Variants in MACROD2 observed in about 807,000 individuals in gnomAD.
MACROD2 encodes the protein ADP-ribose glycohydrolase MACROD2.
Under a neutral mutation model 70.4 loss-of-function variants are expected in MACROD2, and 36 were observed. The observed-to-expected ratio is 0.51, with a 90% CI of 0.39 to 0.68. The LOEUF is 0.68. MACROD2 is among the 30% of genes least tolerant of loss of function. The probability of loss-of-function intolerance (pLI) is 0.00; values close to 1 mark genes in which losing one functional copy is unlikely to be tolerated. For missense variants in MACROD2, 496 were observed against 538.4 expected (o/e 0.92, Z 0.78); for synonymous variants, 172 against 178.8 (o/e 0.96, Z 0.30).
At chr20:16,037,225 A>G (rs2067248048) in intron 15 of MACROD2, among the ~76,000 whole-genome samples, 1 of 151,994 alleles carries the variant, frequency 6.6e-6, no homozygotes, top group Non-Finnish European at 1.5e-5. Context: ...GCTTTCTTCA[A>G]CTTTTTCCTC....
chr20:14,214,095 A>G (rs577403985), intron 3 of MACROD2, among the ~76,000 whole-genome samples: 3 of 152,290 alleles, frequency 2.0e-5, no homozygotes, highest in Admixed American at 6.5e-5. Flanking sequence ...AAGTTAAGGC[A>G]TAAATAAATA....
At chr20:15,787,806 A>G (rs898923222) in intron 8 of MACROD2, among the ~76,000 whole-genome samples, 8 of 152,222 alleles carry the variant, frequency 5.3e-5, no homozygotes, top group Non-Finnish European at 1.0e-4. Context: ...TAACTTTTTT[A>G]TCACTTGAAT....
intron 2 of MACROD2, among the ~76,000 whole-genome samples, chr20:14,056,278 TTA>T (rs2053630151): frequency 2.0e-5 from 3 of 152,096 alleles, no homozygotes; most frequent in Admixed American, 2.0e-4. Flanking sequence ...TACATTTATG[TTA>T]TGTCTTGTGT....
intron 5 of MACROD2, among the ~76,000 whole-genome samples, chr20:15,009,970 T>C (rs1320252046): frequency 6.6e-6 from 1 of 152,102 alleles, no homozygotes; most frequent in Non-Finnish European, 1.5e-5. Context: ...TTTCTTAACC[T>C]CAGCTTCATA....
intron 8 of MACROD2, among the ~76,000 whole-genome samples, chr20:15,516,588 C>A (rs144470182): frequency 1.3e-5 from 2 of 152,052 alleles, no homozygotes; most frequent in East Asian, 3.9e-4. Flanking sequence ...ACTCTGGGTG[C>A]GTTCTGGTTT....
intron 5 of MACROD2, among the ~76,000 whole-genome samples, chr20:14,740,168 G>A (rs1386501380): frequency 6.6e-6 from 1 of 151,910 alleles, no homozygotes; most frequent in African/African-American, 2.4e-5. Context: ...GCTTAGAATG[G>A]GCTATTTATT....
At chr20:14,639,310 A>G (rs1600487915) in intron 4 of MACROD2, among the ~76,000 whole-genome samples, 1 of 152,216 alleles carries the variant, frequency 6.6e-6, no homozygotes, top group East Asian at 1.9e-4. Context: ...CATCATTAAG[A>G]TCTAGGTACC....
chr20:14,771,453 C>G (rs992426576), intron 5 of MACROD2, among the ~76,000 whole-genome samples: 2 of 151,410 alleles, frequency 1.3e-5, no homozygotes, highest in African/African-American at 4.9e-5. Context: ...ACAAAAACAC[C>G]CAAAGAATTT....
chr20:15,742,067 T>C (rs1335841949), intron 8 of MACROD2, among the ~76,000 whole-genome samples: 1 of 152,242 alleles, frequency 6.6e-6, no homozygotes, highest in Non-Finnish European at 1.5e-5. Context: ...CTGAATAATT[T>C]GACACTTTGG....
intron 5 of MACROD2, among the ~76,000 whole-genome samples, chr20:14,939,272 T>C (rs1368236998): frequency 1.3e-5 from 2 of 152,092 alleles, no homozygotes; most frequent in South Asian, 2.1e-4. Context: ...TTTTTATATA[T>C]GGTGAGAGAT....
chr20:14,798,290 T>C, intron 5 of MACROD2, among the ~76,000 whole-genome samples: 1 of 152,132 alleles, frequency 6.6e-6, no homozygotes, highest in South Asian at 2.1e-4. Context: ...TTAACTTTAC[T>C]ATAAATATAC....
chr20:15,898,968 CTA>C (rs1369194197), intron 10 of MACROD2, among the ~76,000 whole-genome samples: 5 of 150,380 alleles, frequency 3.3e-5, no homozygotes, highest in African/African-American at 1.2e-4. Context: ...ATACACATAC[CTA>C]TATGTGTGTG....
intron 8 of MACROD2, among the ~76,000 whole-genome samples, chr20:15,819,323 A>G (rs1467826880): frequency 7.0e-6 from 1 of 142,778 alleles, no homozygotes; most frequent in Non-Finnish European, 1.5e-5. Flanking sequence ...ACTTATATAT[A>G]AATATAAATA....
intron 7 of MACROD2, among the ~76,000 whole-genome samples, chr20:15,453,396 T>A (rs1446086950): frequency 6.6e-6 from 1 of 152,152 alleles, no homozygotes; most frequent in Admixed American, 6.6e-5. Flanking sequence ...ATTAATTTAA[T>A]CATTCCTAAC....
In MACROD2 at chr20:14,427,623, A is replaced by C. The variant is rs537834341; in HGVS notation, c.272-65856A>C. ...ATATGCAAATCCACAACCATGACAC[A>C]TGCCAAATTGTCCTGTCATGTAGTT... On this transcript the variant is annotated intron_variant, in intron 3 of 17. Coordinates refer to ENST00000684519, the MANE Select transcript of MACROD2 (RefSeq NM_001351661.2). Among the ~76,000 whole-genome samples the C allele has an allele frequency of 3.3e-5, 5 of 152,192 alleles. No homozygotes were observed. The South Asian group carries it at 1.0e-3, about 32-fold the overall frequency.
At chr20:14,780,890 A>G (rs982168451) in intron 5 of MACROD2, among the ~76,000 whole-genome samples, 4 of 152,264 alleles carry the variant, frequency 2.6e-5, no homozygotes, top group African/African-American at 9.6e-5. Flanking sequence ...AAACTTTTAC[A>G]AAGAAACTTT....
chr20:14,164,652 G>A (rs908372411), intron 3 of MACROD2, among the ~76,000 whole-genome samples: 1 of 152,130 alleles, frequency 6.6e-6, no homozygotes, highest in African/African-American at 2.4e-5. Context: ...AGCTGTGGTG[G>A]TAGCAGCAGG....
Position 14,871,305 on chromosome 20 carries a change from T to C in MACROD2, c.418+186346T>C, listed in dbSNP as rs543831612. Among the ~76,000 whole-genome samples, 32 of 152,254 alleles carry C rather than the reference T, an allele frequency of 2.1e-4. 1 individual carries two copies. The South Asian group carries it at 6.6e-3, about 32-fold the overall frequency. On this transcript the variant is annotated intron_variant, in intron 5 of 17. Coordinates refer to ENST00000684519, the MANE Select transcript of MACROD2 (RefSeq NM_001351661.2). ...ACCTATAAAGGGAAGCCCATTAGACTAACAGTGGACCGCTCGGCTGAAACT... is the reference window on the plus strand; with the variant it reads ...ACCTATAAAGGGAAGCCCATTAGACCAACAGTGGACCGCTCGGCTGAAACT...
intron 2 of MACROD2, among the ~76,000 whole-genome samples, chr20:14,082,577 T>C (rs1000783008): frequency 2.0e-4 from 31 of 152,166 alleles, no homozygotes; most frequent in African/African-American, 6.5e-4. Context: ...ATTCTATCAC[T>C]GCAAATGTGA....
Sources: allele counts gnomAD v4.1 joint callset (sites outside exome capture counted in the v4.1 genomes callset), GRCh38; gene constraint gnomAD v4.1.1; transcripts MANE v1.5; gene names NCBI Gene and HGNC (gene_info 2026-07-23, HGNC 2026-07-21).